Variants in EYS observed in about 807,000 individuals in gnomAD.
The protein encoded by EYS is EGF-like photoreceptor maintenance factor.
In EYS, 250 loss-of-function variants were observed where a neutral mutation model predicts 282.1. That is an observed-to-expected ratio of 0.89 (90% confidence interval 0.80 to 0.98). EYS has a LOEUF of 0.98. Among genes scored for constraint, EYS ranks in the 50% least tolerant of loss-of-function variants. The pLI is 0.00. For missense variants in EYS, 4,016 were observed against 3,709.0 expected (o/e 1.08, Z -2.15); for synonymous variants, 1,355 against 1,282.9 (o/e 1.06, Z -1.20).
chr6:65,181,704 CTGGG>C (rs951774902), intron 12 of EYS, among the ~76,000 whole-genome samples: 48 of 152,256 alleles, frequency 3.2e-4, no homozygotes, highest in African/African-American at 1.1e-3. Context: ...CATCCCATTA[CTGGG>C]TATATACCCA....
At chr6:65,267,030 G>T (rs1293359999) in intron 12 of EYS, among the ~76,000 whole-genome samples, 2 of 148,632 alleles carry the variant, frequency 1.3e-5, no homozygotes, top group Non-Finnish European at 3.0e-5. Flanking sequence ...TAAAAAATTT[G>T]AATTAAGCCC....
chr6:64,122,683 T>A (rs1300046705), intron 31 of EYS, among the ~76,000 whole-genome samples: 2 of 152,154 alleles, frequency 1.3e-5, no homozygotes, highest in Non-Finnish European at 2.9e-5. Context: ...GAAATAATAT[T>A]TTAAAGAATT....
chr6:64,905,351 A>C (rs1306398826), intron 16 of EYS, among the ~76,000 whole-genome samples: 2 of 152,180 alleles, frequency 1.3e-5, no homozygotes, highest in Non-Finnish European at 2.9e-5. Flanking sequence ...CCAAACAGAA[A>C]GTTTGTTATT....
intron 5 of EYS, among the ~76,000 whole-genome samples, chr6:65,422,857 T>G (rs1259736420): frequency 6.6e-6 from 1 of 151,800 alleles, no homozygotes; most frequent in East Asian, 1.9e-4. Context: ...TGTATGTTTA[T>G]GTGTACATCC....
intron 26 of EYS, among the ~76,000 whole-genome samples, chr6:64,478,716 A>T (rs1776350421): frequency 6.6e-6 from 1 of 151,096 alleles, no homozygotes; most frequent in Non-Finnish European, 1.5e-5. Flanking sequence ...TCCCAATTTA[A>T]TATGGGTAAA....
chr6:64,716,666 G>T (rs1014573837), intron 22 of EYS, among the ~76,000 whole-genome samples: 1 of 152,196 alleles, frequency 6.6e-6, no homozygotes, highest in Non-Finnish European at 1.5e-5. Context: ...GAGCTTCTTG[G>T]CTTTAGCAAT....
At chr6:64,517,237 G>T (rs570350425) in intron 26 of EYS, among the ~76,000 whole-genome samples, 2 of 151,770 alleles carry the variant, frequency 1.3e-5, no homozygotes, top group East Asian at 3.9e-4. Flanking sequence ...CCAAAATAAG[G>T]CACCCAGATT....
chr6:64,814,067 T>C (rs1764678115), intron 21 of EYS, among the ~76,000 whole-genome samples: 2 of 152,042 alleles, frequency 1.3e-5, no homozygotes, highest in Admixed American at 6.6e-5. Context: ...TTTATATCCA[T>C]GTAAAATAGC....
chr6:65,688,616 A>T (rs567864338), intron 1 of EYS, among the ~76,000 whole-genome samples: 3 of 152,196 alleles, frequency 2.0e-5, no homozygotes, highest in South Asian at 4.1e-4. Flanking sequence ...ATTTTTGCAA[A>T]CTACTCATCT....
Position 64,480,865 on chromosome 6 carries a change from C to CA in EYS, c.5645-41514dup, listed in dbSNP as rs1582805521. Reference sequence around the variant, plus strand: ...TTAATTTGCTGGACATCAGGTTAAACAAAAAAATATGTATTCATTCAAGTT... The same window carrying CA: ...TTAATTTGCTGGACATCAGGTTAAACAAAAAAAATATGTATTCATTCAAGTT... On this transcript the variant is annotated intron_variant, in intron 26 of 42. Coordinates refer to ENST00000503581, the MANE Select transcript of EYS (RefSeq NM_001142800.2). Among the ~76,000 whole-genome samples, 4 of 151,456 alleles carry CA rather than the reference C, an allele frequency of 2.6e-5. 1 individual carries two copies. Among genetic ancestry groups the CA allele is most frequent in the South Asian group, 4.2e-4 (2 of 4,812 alleles).
chr6:65,327,443 T>G (rs1189209341), intron 11 of EYS, among the ~76,000 whole-genome samples: 1 of 140,936 alleles, frequency 7.1e-6, no homozygotes, highest in Non-Finnish European at 1.6e-5. Flanking sequence ...GTGATGTTAT[T>G]TATTTCTTAT....
chr6:64,469,546 C>T (rs140592963), intron 26 of EYS, among the ~76,000 whole-genome samples: 2 of 152,206 alleles, frequency 1.3e-5, no homozygotes, highest in African/African-American at 4.8e-5. Context: ...GACAAGAGTG[C>T]GAGCCTTCTG....
chr6:64,456,322 C>A (rs1775559620), intron 26 of EYS, among the ~76,000 whole-genome samples: 1 of 151,994 alleles, frequency 6.6e-6, no homozygotes, highest in Non-Finnish European at 1.5e-5. Context: ...TAATTTGGTA[C>A]CTTAATTTGT....
At position 65,160,532 on chromosome 6, in the gene EYS, G is replaced by A. The variant is rs78738612; in HGVS notation, c.2024-102805C>T. ...GCACTTATCTTTTGTTTGACTACTTGGCATTGTTGGCAACCACCCCATTGA... is the reference window on the plus strand; with the variant it reads ...GCACTTATCTTTTGTTTGACTACTTAGCATTGTTGGCAACCACCCCATTGA... On this transcript the variant is annotated intron_variant, in intron 12 of 42. Coordinates refer to ENST00000503581, the MANE Select transcript of EYS (RefSeq NM_001142800.2). Among the ~76,000 whole-genome samples, 542 of 150,706 alleles carry A rather than the reference G, an allele frequency of 3.6e-3. 7 individuals are homozygous for A. Among genetic ancestry groups the A allele is most frequent in the African/African-American group, 0.013 (520 of 41,330 alleles).
chr6:64,813,306 G>A lies in EYS; in HGVS notation c.3443+72C>T, dbSNP rs1764650052. ...AAACTTAGTATTTACATTGCAGAGTGCATTACTAGTGGGATGTTTATAAGC... is the reference window on the plus strand; with the variant it reads ...AAACTTAGTATTTACATTGCAGAGTACATTACTAGTGGGATGTTTATAAGC... On this transcript the variant is annotated intron_variant, in intron 22 of 42. Transcript: ENST00000503581. 2.4e-5 allele frequency: 26 copies of A among 1,093,202 alleles called. No individual in the cohort carries two copies. The South Asian group carries it at 4.0e-4, about 17-fold the overall frequency. The allele number at this position is 1,093,202 out of a possible 1,614,324, so 67.7% of individuals were successfully genotyped here.
chr6:64,191,952 A>C (rs1425800977), intron 31 of EYS, among the ~76,000 whole-genome samples: 1 of 147,390 alleles, frequency 6.8e-6, no homozygotes, highest in African/African-American at 2.5e-5. Context: ...CCAACAGTGT[A>C]AAAGTGTTCC....
intron 12 of EYS, among the ~76,000 whole-genome samples, chr6:65,130,299 G>A (rs1034130575): frequency 4.6e-5 from 7 of 151,764 alleles, no homozygotes; most frequent in Non-Finnish European, 2.9e-5. Flanking sequence ...TGTACTCTCT[G>A]ATTCTAAAAT....
In EYS at chr6:65,514,197, A is replaced by C. The variant is rs540656032; in HGVS notation, c.-332-18204T>G. 6.2e-4 allele frequency among the ~76,000 whole-genome samples: 95 copies of C among 152,140 alleles called. 1 individual carries two copies. The highest frequency in any genetic ancestry group is 2.1e-3 in the African/African-American group (89 of 41,494). ...GTGAACTCCCATTCACAATTGCTTCAAAGAGAATAAAATACCTAGGAATCC... is the reference window on the plus strand; with the variant it reads ...GTGAACTCCCATTCACAATTGCTTCCAAGAGAATAAAATACCTAGGAATCC... On this transcript the variant is annotated intron_variant, in intron 2 of 42. Coordinates refer to ENST00000503581, the MANE Select transcript of EYS (RefSeq NM_001142800.2).
intron 33 of EYS, among the ~76,000 whole-genome samples, chr6:64,048,678 A>G (rs1770707008): frequency 6.7e-6 from 1 of 149,106 alleles, no homozygotes; most frequent in Non-Finnish European, 1.5e-5. Context: ...TGAAGTGCCC[A>G]TGTTCATCTA....
Sources: gnomAD v4.1 joint callset for allele counts (sites outside exome capture counted in the v4.1 genomes callset) on GRCh38, gnomAD v4.1.1 for gene constraint, MANE v1.5 for transcripts, NCBI Gene and HGNC (gene_info 2026-07-23, HGNC 2026-07-21) for gene names.